The following CDC42SE2 variants were observed in gnomAD, a reference collection of about 807,000 sequenced individuals.
CDC42SE2 encodes the protein CDC42 small effector protein 2.
Under a neutral mutation model 11.5 loss-of-function variants are expected in CDC42SE2, and 3 were observed. The ratio of observed to expected loss-of-function variants is 0.26; its 90% CI spans 0.12 to 0.67. The LOEUF (loss-of-function observed/expected upper bound fraction) is 0.67. Among genes scored for constraint, CDC42SE2 ranks in the 30% least tolerant of loss-of-function variants. The pLI, the probability that CDC42SE2 is intolerant of heterozygous loss-of-function variation, is 0.80. For missense variants in CDC42SE2, 82 were observed against 106.8 expected, an observed-to-expected ratio of 0.77 and a Z score of 1.02; for synonymous variants, 33 against 34.8, an observed-to-expected ratio of 0.95 and a Z score of 0.18.
chr5:131,243,276 G>A (rs1756554332), upstream of CDC42SE2, among the ~76,000 whole-genome samples: 1 of 152,184 alleles, frequency 6.6e-6, no homozygotes, highest in African/African-American at 2.4e-5. Flanking sequence ...CTATTGCCAA[G>A]TTGATATTCT....
chr5:131,314,598 T>A (rs944724896), intron 1 of CDC42SE2, among the ~76,000 whole-genome samples: 14 of 152,180 alleles, frequency 9.2e-5, no homozygotes, highest in Non-Finnish European at 2.1e-4. Context: ...TGAGTATTAA[T>A]CTTGGTTTTT....
chr5:131,335,790 C>T lies in CDC42SE2; in HGVS notation c.-286+19646C>T, dbSNP rs562600141. On this transcript the variant is annotated intron_variant, in intron 2 of 4. Coordinates refer to ENST00000505065, the MANE Select transcript of CDC42SE2 (RefSeq NM_001375635.1). Reference sequence around the variant, plus strand: ...GTTTTATCAGAGACTAAGATTGCAACCCCTGCCTTTTTTTGTTTTCCATTT... The same window carrying T: ...GTTTTATCAGAGACTAAGATTGCAATCCCTGCCTTTTTTTGTTTTCCATTT... 2.6e-5 allele frequency among the ~76,000 whole-genome samples: 4 copies of T among 152,276 alleles called. No individual in the cohort carries two copies. The South Asian group carries it at 8.3e-4, about 32-fold the overall frequency.
In CDC42SE2 at chr5:131,392,154, T is replaced by TCTA. The variant is rs1750677308; in HGVS notation, c.*1063_*1064insCTA. 6.5e-6 allele frequency: 1 copy of TCTA among 152,744 alleles called. No individual in the cohort carries two copies. The highest frequency in any genetic ancestry group is 2.4e-5 in the African/African-American group (1 of 41,430). The allele number at this position is 152,744 out of a possible 1,614,324, so 9.5% of individuals were successfully genotyped here. On this transcript the variant is annotated 3_prime_UTR_variant, in exon 5 of 5. Transcript: ENST00000505065. ...CTAACACCATTTTGCAGTTTTTTTT[T>TCTA]TCTATTTTAAACATTTTTCTTTTCA...
intron 1 of CDC42SE2, among the ~76,000 whole-genome samples, chr5:131,295,382 C>CTA (rs1757549005): frequency 6.6e-6 from 1 of 152,000 alleles, no homozygotes; most frequent in Non-Finnish European, 1.5e-5. Context: ...ACCTTAATGT[C>CTA]TATCTGTAGA....
At chr5:131,237,932 T>A in the CDC42SE2 span, among the ~76,000 whole-genome samples, 2 of 152,194 alleles carry the variant, frequency 1.3e-5, no homozygotes, top group Non-Finnish European at 2.9e-5. Context: ...CTCAGTGTGT[T>A]CCTCTATTTG....
At chr5:131,338,759 A>G (rs529752424) in intron 2 of CDC42SE2, among the ~76,000 whole-genome samples, 3 of 152,176 alleles carry the variant, frequency 2.0e-5, no homozygotes, top group Non-Finnish European at 4.4e-5. Flanking sequence ...GTAGTTTCAG[A>G]GTCTTACGTT....
chr5:131,215,259 C>G, the CDC42SE2 span, among the ~76,000 whole-genome samples: 3 of 152,100 alleles, frequency 2.0e-5, no homozygotes, highest in African/African-American at 7.2e-5. Context: ...GTTTCTTTTC[C>G]TGTAAAATGA....
chr5:131,290,751 A>G (rs1321285572), intron 1 of CDC42SE2, among the ~76,000 whole-genome samples: 1 of 152,004 alleles, frequency 6.6e-6, no homozygotes, highest in Non-Finnish European at 1.5e-5. Flanking sequence ...GAGTGGTAGG[A>G]TTATAGGCAT....
intron 2 of CDC42SE2, among the ~76,000 whole-genome samples, chr5:131,320,194 G>A (rs1373283799): frequency 6.6e-6 from 1 of 151,520 alleles, no homozygotes; most frequent in Non-Finnish European, 1.5e-5. Flanking sequence ...AGACCAGCCT[G>A]GCCAACATAA....
chr5:131,335,752 TG>T (rs1758543289), intron 2 of CDC42SE2, among the ~76,000 whole-genome samples: 1 of 152,244 alleles, frequency 6.6e-6, no homozygotes, highest in African/African-American at 2.4e-5. Context: ...TGATCTTTGC[TG>T]GTTTAAAGTC....
chr5:131,334,642 A>C (rs1229041670), intron 2 of CDC42SE2, among the ~76,000 whole-genome samples: 5 of 152,032 alleles, frequency 3.3e-5, no homozygotes, highest in Non-Finnish European at 7.4e-5. Context: ...TCAATTTCAG[A>C]TCCTGTTATT....
chr5:131,225,614 T>G, the CDC42SE2 span, among the ~76,000 whole-genome samples: 1 of 152,202 alleles, frequency 6.6e-6, no homozygotes, highest in South Asian at 2.1e-4. Context: ...TTGACCTCTA[T>G]GTTCCGCCAA....
intron 1 of CDC42SE2, among the ~76,000 whole-genome samples, chr5:131,291,945 T>C (rs1757465240): frequency 6.6e-6 from 1 of 152,046 alleles, no homozygotes; most frequent in Non-Finnish European, 1.5e-5. Flanking sequence ...TTAAGCATCT[T>C]AAAAATGAGT....
intron 2 of CDC42SE2, among the ~76,000 whole-genome samples, chr5:131,348,797 T>G (rs562386463): frequency 6.6e-6 from 1 of 152,058 alleles, no homozygotes; most frequent in African/African-American, 2.4e-5. Context: ...AACAAAGATA[T>G]AGACCAATGG....
intron 1 of CDC42SE2, among the ~76,000 whole-genome samples, chr5:131,246,531 G>T (rs901985521): frequency 2.6e-5 from 4 of 151,890 alleles, no homozygotes; most frequent in African/African-American, 4.8e-5. Context: ...GGTTTTTTTG[G>T]TTTTTGACAT....
intron 2 of CDC42SE2, among the ~76,000 whole-genome samples, chr5:131,326,422 T>C (rs1273340118): frequency 6.6e-6 from 1 of 152,220 alleles, no homozygotes; most frequent in African/African-American, 2.4e-5. Context: ...GCAATGTGTA[T>C]GGTTATTGAT....
At chr5:131,262,688 C>A (rs1029682607), upstream of CDC42SE2, among the ~76,000 whole-genome samples, 1 of 152,074 alleles carries the variant, frequency 6.6e-6, no homozygotes, top group Non-Finnish European at 1.5e-5. Flanking sequence ...GCACATAACC[C>A]ACATATATCC....
intron 1 of CDC42SE2, among the ~76,000 whole-genome samples, chr5:131,283,848 A>G (rs940139935): frequency 6.6e-6 from 1 of 152,110 alleles, no homozygotes; most frequent in Non-Finnish European, 1.5e-5. Flanking sequence ...ACAGTATTTT[A>G]TTTGTCCATT....
chr5:131,376,420 T>C (rs1288760310), intron 3 of CDC42SE2, among the ~76,000 whole-genome samples: 2 of 152,158 alleles, frequency 1.3e-5, no homozygotes, highest in Non-Finnish European at 2.9e-5. Context: ...TTAAAGTTCT[T>C]GGAACTGTGC....
Sources: allele counts gnomAD v4.1 joint callset (sites outside exome capture counted in the v4.1 genomes callset), GRCh38; gene constraint gnomAD v4.1.1; transcripts MANE v1.5; gene names NCBI Gene and HGNC (gene_info 2026-07-23, HGNC 2026-07-21).